Variants in ELOVL6 observed in about 807,000 individuals in gnomAD.
The protein encoded by ELOVL6 is very long chain fatty acid elongase 6.
A neutral mutation model predicts 31.7 loss-of-function variants in ELOVL6; 8 were observed. The ratio of observed to expected loss-of-function variants is 0.25; its 90% confidence interval spans 0.15 to 0.45. The LOEUF is 0.45. Ranked by LOEUF, ELOVL6 falls within the 20% of genes least tolerant of loss-of-function variation. The pLI is 1.00. For missense variants in ELOVL6, 126 were observed against 326.4 expected, an observed-to-expected ratio of 0.39 and a Z score of 4.73; for synonymous variants, 101 against 117.7, an observed-to-expected ratio of 0.86 and a Z score of 0.92.
chr4:110,108,189 TAA>T (rs1288214350), intron 1 of ELOVL6, among the ~76,000 whole-genome samples: 3 of 152,206 alleles, frequency 2.0e-5, no homozygotes, highest in Non-Finnish European at 4.4e-5. Context: ...GAACAGAAAT[TAA>T]TTATACATAT....
intron 1 of ELOVL6, among the ~76,000 whole-genome samples, chr4:110,179,191 G>A (rs933689904): frequency 6.6e-6 from 1 of 152,070 alleles, no homozygotes; most frequent in African/African-American, 2.4e-5. Flanking sequence ...TAAAATACAT[G>A]TATGTAAACT....
intron 2 of ELOVL6, among the ~76,000 whole-genome samples, chr4:110,072,204 G>A (rs906192017): frequency 3.9e-5 from 6 of 152,196 alleles, no homozygotes; most frequent in African/African-American, 7.2e-5. Context: ...TTGGCCAGGC[G>A]CAGTGGCTCA....
At chr4:110,153,004 G>C (rs1247150902) in intron 1 of ELOVL6, among the ~76,000 whole-genome samples, 1 of 152,146 alleles carries the variant, frequency 6.6e-6, no homozygotes, top group Non-Finnish European at 1.5e-5. Context: ...TGAAGAGCAG[G>C]AATGACACAG....
At position 110,105,759 on chromosome 4, in the gene ELOVL6, G is replaced by A. The variant is rs537835744; in HGVS notation, c.90-131C>T. On this transcript the variant is annotated intron_variant, in intron 1 of 3. Transcript: ENST00000302274. ...ATATTCCTGCTTCACTGAAGAGGGA[G>A]TCTAGTCTACACGGCAAACTAGTGT... The A allele has an allele frequency of 1.6e-5, 13 of 809,596 alleles. No individual in the cohort carries two copies. The East Asian group carries it at 2.0e-4, about 12-fold the overall frequency. The allele number at this position is 809,596 out of a possible 1,614,324, so 50.2% of individuals were successfully genotyped here.
In ELOVL6 at chr4:110,046,792, G is replaced by C. The variant is rs894248874; in HGVS notation, c.*4546C>G. On this transcript the variant is annotated 3_prime_UTR_variant, in exon 4 of 4. Coordinates refer to ENST00000302274, the MANE Select transcript of ELOVL6 (RefSeq NM_024090.3). ...TGGACACCAGCATACAGAGGCTGTTGCTCATTGGCAAACTGGGACCTACCC... is the reference window on the plus strand; with the variant it reads ...TGGACACCAGCATACAGAGGCTGTTCCTCATTGGCAAACTGGGACCTACCC... The C allele has an allele frequency of 2.6e-5, 4 of 152,340 alleles. No individual in the cohort carries two copies. The highest frequency in any genetic ancestry group is 9.6e-5 in the African/African-American group (4 of 41,580). The allele number at this position is 152,340 out of a possible 1,614,324, so 9.4% of individuals were successfully genotyped here.
At chr4:110,056,845 C>T (rs562288177) in intron 3 of ELOVL6, among the ~76,000 whole-genome samples, 5 of 152,110 alleles carry the variant, frequency 3.3e-5, no homozygotes, top group Non-Finnish European at 7.4e-5. Context: ...AGAGGGAACA[C>T]TGTATTCAAT....
At chr4:110,084,557 C>CAGATATATAT (rs1756169305) in intron 2 of ELOVL6, among the ~76,000 whole-genome samples, 5 of 62,218 alleles carry the variant, frequency 8.0e-5, no homozygotes, top group African/African-American at 5.2e-4. Flanking sequence ...CACACACACA[C>CAGATATATAT]ACACAGATAT....
intron 1 of ELOVL6, among the ~76,000 whole-genome samples, chr4:110,109,929 A>G (rs1292918373): frequency 6.6e-6 from 1 of 152,224 alleles, no homozygotes; most frequent in Non-Finnish European, 1.5e-5. Flanking sequence ...TGTGAGGTAC[A>G]AGGAGATGGG....
chr4:110,113,936 C>G (rs991418914), intron 1 of ELOVL6, among the ~76,000 whole-genome samples: 8 of 152,116 alleles, frequency 5.3e-5, no homozygotes, highest in African/African-American at 1.9e-4. Context: ...GCAATGCTCA[C>G]TTGTTAAATT....
intron 2 of ELOVL6, among the ~76,000 whole-genome samples, chr4:110,063,399 G>A (rs17041323): frequency 0.22 from 33,673 of 151,886 alleles, 4,311 homozygotes; most frequent in East Asian, 0.37. Context: ...TGGCCAGAGC[G>A]TGGGGTCAAG....
intron 1 of ELOVL6, among the ~76,000 whole-genome samples, chr4:110,145,189 C>T (rs1758073036): frequency 6.6e-6 from 1 of 151,788 alleles, no homozygotes. Flanking sequence ...TGACTGGAAC[C>T]AGTAAGGGTG....
intron 2 of ELOVL6, among the ~76,000 whole-genome samples, chr4:110,080,311 T>G (rs1044254433): frequency 6.6e-6 from 1 of 152,102 alleles, no homozygotes; most frequent in Non-Finnish European, 1.5e-5. Context: ...TAGACCAATA[T>G]CCCTGATGAA....
chr4:110,139,678 C>T (rs989999377), intron 1 of ELOVL6, among the ~76,000 whole-genome samples: 8 of 152,122 alleles, frequency 5.3e-5, no homozygotes, highest in African/African-American at 1.9e-4. Context: ...CTTTGTTTAT[C>T]TAAGATTTTT....
intron 1 of ELOVL6, among the ~76,000 whole-genome samples, chr4:110,158,655 ATATTT>A (rs1206008330): frequency 3.2e-4 from 24 of 76,180 alleles, no homozygotes; most frequent in African/African-American, 1.7e-3. Flanking sequence ...ATATATATAT[ATATTT>A]TTTTTTTTTT....
chr4:110,100,475 A>G (rs887070818), intron 2 of ELOVL6, among the ~76,000 whole-genome samples: 1 of 151,118 alleles, frequency 6.6e-6, no homozygotes, highest in South Asian at 2.1e-4. Context: ...TGGTTTGAAG[A>G]GGTTTCTTTT....
chr4:110,081,201 C>G (rs1755834637), intron 2 of ELOVL6, among the ~76,000 whole-genome samples: 1 of 152,108 alleles, frequency 6.6e-6, no homozygotes, highest in African/African-American at 2.4e-5. Flanking sequence ...CCATCCCCAT[C>G]AAGCTACCAA....
chr4:110,059,619 G>A lies in ELOVL6; in HGVS notation c.357C>T (p.Ser119=). The change falls in exon 3 of 4, where the codon AGC becomes AGT. Residue 119 remains serine (S), a synonymous_variant. Coordinates refer to ENST00000302274, the MANE Select transcript of ELOVL6 (RefSeq NM_024090.3). ...GATACTCACCTAGTTCGGGTGCTTTGCTTAGCACAAATGCATAAGCCCAGA... is the reference window on the plus strand; with the variant it reads ...GATACTCACCTAGTTCGGGTGCTTTACTTAGCACAAATGCATAAGCCCAGA... ...SKFWAYAFVL[S]KAPELGDTIF... 3 of 1,613,928 alleles carry A rather than the reference G, an allele frequency of 1.9e-6. No individual in the cohort carries two copies. The highest frequency in any genetic ancestry group is 2.5e-6 in the Non-Finnish European group (3 of 1,179,906).
At chr4:110,131,676 G>A (rs1757673858) in intron 1 of ELOVL6, among the ~76,000 whole-genome samples, 1 of 152,112 alleles carries the variant, frequency 6.6e-6, no homozygotes, top group Non-Finnish European at 1.5e-5. Flanking sequence ...GTCCTGTGGG[G>A]GTGAGGAGGG....
chr4:110,102,724 A>T (rs1199046510), intron 2 of ELOVL6, among the ~76,000 whole-genome samples: 2 of 151,840 alleles, frequency 1.3e-5, no homozygotes, highest in African/African-American at 2.4e-5. Context: ...GTAAATTTCC[A>T]CTTCTGGCTT....
Sources: gnomAD v4.1 joint callset for allele counts (sites outside exome capture counted in the v4.1 genomes callset) on GRCh38, gnomAD v4.1.1 for gene constraint, MANE v1.5 for transcripts, NCBI Gene and HGNC (gene_info 2026-07-23, HGNC 2026-07-21) for gene names.